The following FAT2 variants were observed in gnomAD, a reference collection of about 807,000 sequenced individuals.
The protein encoded by FAT2 is protocadherin Fat 2.
FAT2 carries 150 observed loss-of-function variants against 295.3 expected under a neutral mutation model. The observed-to-expected ratio is 0.51, with a 90% CI of 0.44 to 0.58. The LOEUF (loss-of-function observed/expected upper bound fraction) is 0.58, where lower values mean the gene tolerates loss of function less well. FAT2 is among the 20% of genes least tolerant of loss of function. The pLI is 0.00. For synonymous variants in FAT2, 2,026 were observed against 2,150.3 expected (o/e 0.94, Z 1.60); for missense variants, 4,868 against 5,442.7 (o/e 0.89, Z 3.32).
intron 12 of FAT2, among the ~76,000 whole-genome samples, chr5:151,536,939 G>A (rs1755376032): frequency 6.6e-6 from 1 of 152,148 alleles, no homozygotes. Context: ...TCCTCAGTGT[G>A]TGTACTATTT....
chr5:151,594,751 C>T (rs571352797), upstream of FAT2, among the ~76,000 whole-genome samples: 9 of 152,230 alleles, frequency 5.9e-5, no homozygotes, highest in African/African-American at 1.7e-4. Flanking sequence ...TAATGAGCAA[C>T]GATGTAAATG....
rs1236885988 is a variant in FAT2 at position 151,512,825 on chromosome 5, A to AG, written c.11464-220dup. 1.7e-6 allele frequency: 1 copy of AG among 572,714 alleles called. No individual in the cohort carries two copies. The highest frequency in any genetic ancestry group is 1.9e-5 in the African/African-American group (1 of 53,620). 35.5% of individuals were successfully genotyped at this position (572,714 alleles called of 1,614,324 possible). ...CCACACCCCATGGGATGGTCTGGGT[A>AG]GGGGGTGACATCTCCATTCACAGAT... is the stretch of plus-strand genomic sequence containing the variant. On this transcript the variant is annotated intron_variant, in intron 20 of 23. Transcript: ENST00000261800. This position sits in a 1 kb window ranked among gnomAD's most constrained non-coding sequence, Gnocchi z 4.1.
intron 11 of FAT2, among the ~76,000 whole-genome samples, 200 bp from the exon 12 acceptor site, chr5:151,538,146 A>G (rs1755674496): frequency 6.6e-6 from 1 of 152,156 alleles, no homozygotes; most frequent in Non-Finnish European, 1.5e-5. Context: ...CAGAGGAGGT[A>G]GAATAAGATG....
At chr5:151,591,715 C>T (rs767515053), upstream of FAT2, among the ~76,000 whole-genome samples, 7 of 152,126 alleles carry the variant, frequency 4.6e-5, no homozygotes, top group East Asian at 5.8e-4. Flanking sequence ...GCTTTGGAGA[C>T]GGACAGATTT....
At position 151,534,544 on chromosome 5, in the gene FAT2, C is replaced by T. The variant is rs936316376; in HGVS notation, c.9292G>A (p.Asp3098Asn). 2 of 1,614,140 alleles carry T rather than the reference C, an allele frequency of 1.2e-6. No homozygotes were observed. Among genetic ancestry groups the T allele is most frequent in the Admixed American group, 3.3e-5 (2 of 60,022 alleles). ...ACATCCTCCACATGGAGGGTGATGT[C>T]TGCCTGGCACGATCGGCCACCTCCA... ...TDGGGRSCQADITLHVEDVND... is the reference protein window; with the variant it reads ...TDGGGRSCQANITLHVEDVND... Residue 3098 changes from aspartate to asparagine, a missense_variant, in exon 13 of 24, where the codon GAC (aspartate) becomes AAC (asparagine). Asp to Asn is a conservative substitution (Grantham distance 23). Around this residue, in one of 5 missense-constraint regions of FAT2, gnomAD observed 1,046 missense variants for 1,210.1 expected, o/e 0.86. Coordinates refer to ENST00000261800, the MANE Select transcript of FAT2 (RefSeq NM_001447.3).
Position 151,568,413 on chromosome 5 carries a change from T to A in FAT2, c.519A>T (p.Thr173=). Residue 173 remains threonine (T), a synonymous_variant, in exon 2 of 24, where the codon ACA becomes ACT. Coordinates refer to ENST00000261800, the MANE Select transcript of FAT2 (RefSeq NM_001447.3). ...CAGCATTCTGGCCTAGATCAGCATCTGTGGCAGTCACCTTGCAGATGGGGC... is the reference window on the plus strand; with the variant it reads ...CAGCATTCTGGCCTAGATCAGCATCAGTGGCAGTCACCTTGCAGATGGGGC... The part of the protein sequence containing the change: ...LKSPICKVTA[T]DADLGQNAEF... 6.2e-7 allele frequency: 1 copy of A among 1,614,218 alleles called. No individual in the cohort carries two copies. Among genetic ancestry groups the A allele is most frequent in the South Asian group, 1.1e-5 (1 of 91,074 alleles).
chr5:151,540,940 A>G (rs1376160027), intron 10 of FAT2, among the ~76,000 whole-genome samples, 177 bp from the exon 11 acceptor site: 1 of 152,240 alleles, frequency 6.6e-6, no homozygotes, highest in Non-Finnish European at 1.5e-5. Context: ...TTATGAAGCT[A>G]CTTCTACTTC....
At chr5:151,529,939 T>C (rs528510720) in intron 14 of FAT2, among the ~76,000 whole-genome samples, 1 of 152,342 alleles carries the variant, frequency 6.6e-6, no homozygotes, top group Admixed American at 6.5e-5. Flanking sequence ...GCTAACCAAA[T>C]AGTTAATGGT....
At position 151,567,161 on chromosome 5, in the gene FAT2, C is replaced by T; in HGVS notation, c.1771G>A (p.Val591Met). Residue 591 changes from valine (V) to methionine (M), a missense_variant, in exon 2 of 24, where the codon GTG becomes ATG. Transcript: ENST00000261800. ...TATTTTAGGTTCTGAAGCTCATCCACATCTATGGCTGACATAGTCATTATC... is the reference window on the plus strand; with the variant it reads ...TATTTTAGGTTCTGAAGCTCATCCATATCTATGGCTGACATAGTCATTATC... ...KSIMTMSAID[V>M]DELQNLKYEI... The T allele has an allele frequency of 6.2e-7, 1 of 1,614,194 alleles. No homozygotes were observed. The highest frequency in any genetic ancestry group is 8.5e-7 in the Non-Finnish European group (1 of 1,180,020).
At chr5:151,517,567 C>A (rs1434748165) in intron 20 of FAT2, 53 bp downstream of exon 20, 10 of 1,608,064 alleles carry the variant, frequency 6.2e-6, no homozygotes, top group Non-Finnish European at 8.5e-6. Context: ...TCACCCCCTA[C>A]CTCCCCAGCC....
chr5:151,562,324 G>A (rs749047959), intron 3 of FAT2, among the ~76,000 whole-genome samples: 1 of 152,178 alleles, frequency 6.6e-6, no homozygotes, highest in South Asian at 2.1e-4. Flanking sequence ...ACGGAAAACA[G>A]GATGTTGGGT....
Position 151,554,632 on chromosome 5 carries a change from G to A in FAT2, c.3675C>T (p.Thr1225=), listed in dbSNP as rs1017033452. The A allele has an allele frequency of 6.2e-7, 1 of 1,614,016 alleles. No homozygotes were observed. Among genetic ancestry groups the A allele is most frequent in the South Asian group, 1.1e-5 (1 of 91,086 alleles). The change falls in exon 5 of 24, where the codon ACC becomes ACT. Residue 1225 remains threonine (T), a synonymous_variant. Coordinates refer to ENST00000261800, the MANE Select transcript of FAT2 (RefSeq NM_001447.3). ...LDNGEPSLKS[T]SRVVVGILDV... ...CCAAGATGCCTACCACCACCCTGGAGGTGGACTTCAGTGAGGGTTCCCCAT... is the reference window on the plus strand; with the variant it reads ...CCAAGATGCCTACCACCACCCTGGAAGTGGACTTCAGTGAGGGTTCCCCAT...
Position 151,544,862 on chromosome 5 carries a change from G to C in FAT2, c.6265C>G (p.Leu2089Val), listed in dbSNP as rs759349832. ...IQDGTEPGDV[L>V]FQVSATDEDL... ...TCATCAGTGGCAGATACCTGAAAGA[G>C]GACATCCCCTGGCTCTGTGCCATCT... Residue 2089 changes from leucine (L) to valine (V), a missense_variant, in exon 10 of 24, where the codon CTC becomes GTC. Leu to Val is a conservative substitution (Grantham distance 32). Around this residue, in one of 5 missense-constraint regions of FAT2, gnomAD observed 3,297 missense variants for 3,669.4 expected, o/e 0.90. Transcript: ENST00000261800. 7 of 1,614,174 alleles carry C rather than the reference G, an allele frequency of 4.3e-6. No individual in the cohort carries two copies. In the South Asian group the frequency reaches 7.7e-5, roughly 18 times the overall value.
In FAT2 at chr5:151,515,111, ATC is replaced by A. The variant is rs544173187; in HGVS notation, c.11463+2507_11464-2506del. ...ACCATTGGTGTCAGGGGATTCAATG[ATC>A]TCTGTGTTGCCAAATCACTTCCCAT... On this transcript the variant is annotated intron_variant, in intron 20 of 23. Transcript: ENST00000261800. Among the ~76,000 whole-genome samples, 122 of 152,200 alleles carry A rather than the reference ATC, an allele frequency of 8.0e-4. 4 individuals carry two copies. In the South Asian group the frequency reaches 0.025, roughly 31 times the overall value.
chr5:151,549,286 G>T lies in FAT2; in HGVS notation c.4789+9C>A, dbSNP rs2127618777. 1 of 1,611,700 alleles carries T rather than the reference G, an allele frequency of 6.2e-7. No homozygotes were observed. Among genetic ancestry groups the T allele is most frequent in the Non-Finnish European group, 8.5e-7 (1 of 1,179,480 alleles). ...ACCCATCCTCTGAGCTCATGGCCAG[G>T]CCTCTCACCTTTCAGGAGGGAGTAG... On this transcript the variant is annotated intron_variant, in intron 9 of 23. Transcript: ENST00000261800.
chr5:151,540,955 G>A (rs182542526), intron 10 of FAT2, among the ~76,000 whole-genome samples, 192 bp from the exon 11 acceptor site: 122 of 152,330 alleles, frequency 8.0e-4, no homozygotes, highest in African/African-American at 2.7e-3. Flanking sequence ...TACTTCAAAT[G>A]CCTCCTGTTG....
rs948276475 is a variant in FAT2 at position 151,506,054 on chromosome 5, C to T, written c.12561G>A (p.Arg4187=). 2.6e-6 allele frequency: 4 copies of T among 1,554,782 alleles called. No homozygotes were observed. The highest frequency in any genetic ancestry group is 2.6e-6 in the Non-Finnish European group (3 of 1,157,114). Residue 4187 remains arginine (R), a synonymous_variant, in exon 24 of 24, where the codon AGG becomes AGA. Coordinates refer to ENST00000261800, the MANE Select transcript of FAT2 (RefSeq NM_001447.3). ...AGTGGGGGTATTCCCAGCGTTCGTT[C>T]CTGGAGTAAGTAGGGGGCCAGACCA... ...GAMVWPPTYS[R]NERWEYPHSE...
chr5:151,506,726 GAGA>G (rs1438386713), intron 23 of FAT2, among the ~76,000 whole-genome samples: 1 of 152,228 alleles, frequency 6.6e-6, no homozygotes, highest in Non-Finnish European at 1.5e-5. Context: ...AGCCAAAGAT[GAGA>G]AGAAGGTGAT....
At chr5:151,527,074 A>G (rs1033973234) in intron 17 of FAT2, among the ~76,000 whole-genome samples, 160 bp downstream of exon 17, 3 of 152,202 alleles carry the variant, frequency 2.0e-5, no homozygotes, top group African/African-American at 7.2e-5. Context: ...GATTCCCTTC[A>G]ATTCTATAAT....
Sources: gnomAD v4.1 joint callset for allele counts (sites outside exome capture counted in the v4.1 genomes callset) on GRCh38, gnomAD v4.1.1 for gene constraint, gnomAD v4.1.1 regional missense constraint, Gnocchi (gnomAD v3.1) non-coding constraint, MANE v1.5 for transcripts, NCBI Gene and HGNC (gene_info 2026-07-23, HGNC 2026-07-21) for gene names.